The following TRDN variants were observed in gnomAD, a reference collection of about 807,000 sequenced individuals.
The protein encoded by TRDN is triadin in skeletal muscle.
In TRDN, 161 loss-of-function variants were observed where a neutral mutation model predicts 149.7. That is an observed-to-expected ratio of 1.08 (90% CI 0.95 to 1.23). The LOEUF is 1.23. TRDN is among the 50% of genes most tolerant of loss of function. TRDN has a pLI of 0.00. For synonymous variants in TRDN, 294 were observed against 250.5 expected, an observed-to-expected ratio of 1.17 and a Z score of -1.64; for missense variants, 896 against 823.5, an observed-to-expected ratio of 1.09 and a Z score of -1.08.
chr6:123,488,474 C>T (rs372095812), intron 9 of TRDN, among the ~76,000 whole-genome samples: 174 of 152,248 alleles, frequency 1.1e-3, no homozygotes, highest in African/African-American at 4.0e-3. Context: ...ATACTCCCTT[C>T]TTAAGGTATC....
chr6:123,371,857 A>T (rs574138166), intron 19 of TRDN, among the ~76,000 whole-genome samples: 50 of 152,272 alleles, frequency 3.3e-4, no homozygotes, highest in African/African-American at 1.2e-3. Flanking sequence ...TCATAAAATC[A>T]TCACTCTAGT....
At chr6:123,557,095 G>T in intron 2 of TRDN, among the ~76,000 whole-genome samples, 1 of 131,454 alleles carries the variant, frequency 7.6e-6, no homozygotes, top group Non-Finnish European at 1.5e-5. Flanking sequence ...CCCTTTGACT[G>T]TAATTTTCCT....
chr6:123,586,526 C>G (rs1013772906), intron 1 of TRDN, among the ~76,000 whole-genome samples: 1 of 152,010 alleles, frequency 6.6e-6, no homozygotes, highest in African/African-American at 2.4e-5. Flanking sequence ...GCACCTCAGA[C>G]CATTTGCCCA....
intron 1 of TRDN, among the ~76,000 whole-genome samples, chr6:123,581,804 A>G (rs1311213366): frequency 5.3e-5 from 8 of 152,222 alleles, no homozygotes; most frequent in Non-Finnish European, 4.4e-5. Flanking sequence ...TATTCAGTAA[A>G]TAATGCCAAT....
At chr6:123,259,564 T>G (rs1047921102) in intron 35 of TRDN, 60 bp downstream of exon 35, 2 of 1,204,004 alleles carry the variant, frequency 1.7e-6, no homozygotes, top group Middle Eastern at 2.7e-4. Context: ...ATAAATTTGT[T>G]TTTTGTTCCT....
intron 12 of TRDN, chr6:123,411,991 G>A: frequency 6.6e-6 from 1 of 152,174 alleles, no homozygotes; most frequent in East Asian, 1.9e-4. Flanking sequence ...ACCAGCTTAT[G>A]AGACCAGATA....
At chr6:123,375,714 A>G in intron 18 of TRDN, 83 bp from the exon 19 acceptor site, 1 of 1,145,704 alleles carries the variant, frequency 8.7e-7, no homozygotes, top group Non-Finnish European at 1.2e-6. Context: ...GGTTATCTTA[A>G]TTGTTTAAAG....
At chr6:123,616,115 C>A (rs565557449) in intron 1 of TRDN, among the ~76,000 whole-genome samples, 60 of 152,198 alleles carry the variant, frequency 3.9e-4, no homozygotes, top group Non-Finnish European at 3.2e-4. Context: ...CTTTGGTATG[C>A]CGAGGCAGGA....
At chr6:123,504,569 T>C (rs917762489) in intron 7 of TRDN, among the ~76,000 whole-genome samples, 21 of 152,114 alleles carry the variant, frequency 1.4e-4, no homozygotes, top group African/African-American at 5.1e-4. Flanking sequence ...TCAGCGATAA[T>C]TCTACTAGTT....
At chr6:123,540,576 G>A (rs1353185482) in intron 4 of TRDN, among the ~76,000 whole-genome samples, 1 of 152,236 alleles carries the variant, frequency 6.6e-6, no homozygotes. Context: ...CTGGAGTGCA[G>A]TGGCGCCACC....
chr6:123,370,985 C>A (rs1781302637), intron 19 of TRDN, among the ~76,000 whole-genome samples: 1 of 147,342 alleles, frequency 6.8e-6, no homozygotes, highest in Non-Finnish European at 1.5e-5. Flanking sequence ...AAATATATTA[C>A]AAGTATTTTT....
At chr6:123,528,536 C>A in intron 5 of TRDN, 4 of 641,114 alleles carry the variant, frequency 6.2e-6, no homozygotes, top group Non-Finnish European at 7.8e-6. Context: ...CAGACTACTA[C>A]TACCTTTCAA....
chr6:123,452,139 T>C (rs552289193), intron 10 of TRDN, among the ~76,000 whole-genome samples: 3 of 152,054 alleles, frequency 2.0e-5, no homozygotes, highest in Non-Finnish European at 4.4e-5. Context: ...ACAGCCAACA[T>C]ATATTGAATG....
At chr6:123,345,500 C>T (rs1780215556) in intron 21 of TRDN, among the ~76,000 whole-genome samples, 2 of 151,934 alleles carry the variant, frequency 1.3e-5, no homozygotes, top group South Asian at 4.1e-4. Flanking sequence ...TGTCAGTTTG[C>T]CACTTAATTC....
intron 21 of TRDN, chr6:123,351,041 G>A (rs1780443805): frequency 1.1e-6 from 1 of 906,804 alleles, no homozygotes; most frequent in African/African-American, 2.1e-5. Context: ...TTATTAGTGT[G>A]GGTGTTTTAT....
chr6:123,613,581 G>A (rs1230952285), intron 1 of TRDN, among the ~76,000 whole-genome samples: 2 of 151,990 alleles, frequency 1.3e-5, no homozygotes, highest in Admixed American at 6.6e-5. Context: ...AGAGAAATGT[G>A]TTCAGAAGTG....
At chr6:123,421,839 C>T (rs1401882776) in intron 12 of TRDN, among the ~76,000 whole-genome samples, 7 of 148,438 alleles carry the variant, frequency 4.7e-5, no homozygotes, top group African/African-American at 1.5e-4. Flanking sequence ...CCCAGTGTGG[C>T]GGCCCACTCC....
At chr6:123,294,578 C>T (rs967261214) in intron 24 of TRDN, among the ~76,000 whole-genome samples, 42 of 152,170 alleles carry the variant, frequency 2.8e-4, no homozygotes, top group Admixed American at 2.6e-3. Flanking sequence ...CCCTTGCACA[C>T]GCAGTTAACA....
chr6:123,266,661 A>T (rs1229268889), intron 32 of TRDN, among the ~76,000 whole-genome samples: 1 of 7,386 alleles, frequency 1.4e-4, no homozygotes, highest in Non-Finnish European at 2.1e-4. Context: ...AATATGTATA[A>T]TATGTATATA....
Sources: gnomAD v4.1 joint callset for allele counts (sites outside exome capture counted in the v4.1 genomes callset) on GRCh38, gnomAD v4.1.1 for gene constraint, MANE v1.5 for transcripts, NCBI Gene and HGNC (gene_info 2026-07-23, HGNC 2026-07-21) for gene names.